The following CAST variants were observed in gnomAD, a reference collection of about 807,000 sequenced individuals.
CAST encodes MIR583 host.
CAST carries 76 observed loss-of-function variants against 119.6 expected under a neutral mutation model. The observed-to-expected ratio is 0.64, with a 90% CI of 0.53 to 0.77. The LOEUF is 0.77. CAST is among the 30% of genes least tolerant of loss of function. The probability of loss-of-function intolerance (pLI) is 0.00; values close to 1 mark genes in which losing one functional copy is unlikely to be tolerated. For synonymous variants in CAST, 319 were observed against 331.6 expected (o/e 0.96, Z 0.41); for missense variants, 953 against 946.5 (o/e 1.01, Z -0.09).
At chr5:96,126,146 A>G in the CAST span, among the ~76,000 whole-genome samples, 1 of 152,138 alleles carries the variant, frequency 6.6e-6, no homozygotes, top group African/African-American at 2.4e-5. Flanking sequence ...TTTTTGCTCC[A>G]TGAAGGAAAG....
the CAST span, among the ~76,000 whole-genome samples, chr5:96,362,236 A>T: frequency 0.31 from 46,561 of 151,878 alleles, 7,852 homozygotes; most frequent in Admixed American, 0.42. Context: ...TCTATCATTG[A>T]TGGACATTTG....
intron 28 of CAST, 40 bp downstream of exon 28, chr5:96,767,522 T>C: frequency 2.0e-6 from 3 of 1,532,660 alleles, no homozygotes; most frequent in Non-Finnish European, 2.7e-6. Context: ...AATTTTGTTT[T>C]ATTCTAGCCA....
chr5:96,260,323 G>A, the CAST span, among the ~76,000 whole-genome samples: 2 of 152,094 alleles, frequency 1.3e-5, no homozygotes, highest in African/African-American at 2.4e-5. Flanking sequence ...AGCAGCTGTT[G>A]GAACAAAGAC....
the CAST span, among the ~76,000 whole-genome samples, chr5:96,141,105 A>G: frequency 1.3e-5 from 2 of 152,234 alleles, no homozygotes; most frequent in Non-Finnish European, 2.9e-5. Flanking sequence ...TTCATTATAC[A>G]TTCAGATAAA....
chr5:96,315,122 G>C, the CAST span, among the ~76,000 whole-genome samples: 1 of 152,184 alleles, frequency 6.6e-6, no homozygotes, highest in Non-Finnish European at 1.5e-5. Flanking sequence ...AAATAATTCT[G>C]TGACTCTTGT....
At chr5:96,318,154 C>T in the CAST span, among the ~76,000 whole-genome samples, 13 of 152,266 alleles carry the variant, frequency 8.5e-5, no homozygotes, top group East Asian at 3.9e-4. Flanking sequence ...AACCATAAGA[C>T]GCTGATTCAT....
the CAST span, among the ~76,000 whole-genome samples, chr5:96,302,043 C>T: frequency 6.6e-6 from 1 of 152,226 alleles, no homozygotes; most frequent in Admixed American, 6.5e-5. Flanking sequence ...GCCTGGACAT[C>T]CGGACATTTC....
At chr5:96,367,680 G>C in the CAST span, among the ~76,000 whole-genome samples, 1 of 152,126 alleles carries the variant, frequency 6.6e-6, no homozygotes, top group South Asian at 2.1e-4. Flanking sequence ...GAAAAGCACA[G>C]TATTAGGGTG....
chr5:96,085,997 C>T, the CAST span, among the ~76,000 whole-genome samples: 3 of 152,098 alleles, frequency 2.0e-5, no homozygotes, highest in Non-Finnish European at 1.5e-5. Flanking sequence ...CAGGACCTCC[C>T]CTGAAAGATT....
chr5:96,503,172 C>T, the CAST span, among the ~76,000 whole-genome samples: 271 of 152,228 alleles, frequency 1.8e-3, 2 homozygotes, highest in East Asian at 0.023. Flanking sequence ...CTCATGTTTG[C>T]TTTAGTTTGT....
the CAST span, among the ~76,000 whole-genome samples, chr5:96,483,364 G>A: frequency 5.9e-5 from 9 of 152,194 alleles, no homozygotes; most frequent in South Asian, 4.2e-4. Flanking sequence ...GATGTGTATC[G>A]GTCATGCACT....
At chr5:96,007,283 T>G in the CAST span, among the ~76,000 whole-genome samples, 1 of 152,230 alleles carries the variant, frequency 6.6e-6, no homozygotes, top group East Asian at 1.9e-4. Context: ...CTTTTCATTG[T>G]ATGTGCAGAT....
the CAST span, among the ~76,000 whole-genome samples, chr5:96,010,492 G>C: frequency 1.3e-5 from 2 of 151,858 alleles, no homozygotes; most frequent in Non-Finnish European, 2.9e-5. Flanking sequence ...TTGTATTTTT[G>C]GTAGAGGTGG....
the CAST span, among the ~76,000 whole-genome samples, chr5:96,375,147 C>A: frequency 6.6e-6 from 1 of 152,090 alleles, no homozygotes; most frequent in Non-Finnish European, 1.5e-5. Flanking sequence ...GGCAGTTTAA[C>A]CTCAGTTATG....
chr5:96,532,805 G>A (rs261972), intron 1 of CAST, among the ~76,000 whole-genome samples: 48,825 of 151,802 alleles, frequency 0.32, 8,350 homozygotes, highest in Middle Eastern at 0.43. Context: ...AGCTGAGATC[G>A]TGCCATTGCA....
the CAST span, among the ~76,000 whole-genome samples, chr5:96,151,101 G>C: frequency 2.0e-5 from 3 of 152,172 alleles, no homozygotes; most frequent in African/African-American, 7.2e-5. Flanking sequence ...CTTAGGTTTA[G>C]AGTTCTGATA....
At chr5:96,257,202 T>G in the CAST span, among the ~76,000 whole-genome samples, 2 of 152,178 alleles carry the variant, frequency 1.3e-5, no homozygotes, top group Non-Finnish European at 2.9e-5. Flanking sequence ...AAAATTAATT[T>G]GTATCTTTAT....
the CAST span, among the ~76,000 whole-genome samples, chr5:96,462,963 C>A: frequency 6.6e-6 from 1 of 152,092 alleles, no homozygotes; most frequent in Admixed American, 6.6e-5. Context: ...GCTTCCCCAG[C>A]CATGTGAAAC....
intron 1 of CAST, among the ~76,000 whole-genome samples, chr5:96,672,622 G>T (rs1206862265): frequency 6.9e-6 from 1 of 145,198 alleles, no homozygotes; most frequent in East Asian, 2.2e-4. Flanking sequence ...CACAAGAATA[G>T]CTTGAGCTCA....
Sources: allele counts gnomAD v4.1 joint callset (sites outside exome capture counted in the v4.1 genomes callset), GRCh38; gene constraint gnomAD v4.1.1; transcripts MANE v1.5; gene names NCBI Gene and HGNC (gene_info 2026-07-23, HGNC 2026-07-21).